Variants in VIL1 observed in about 807,000 individuals in gnomAD.
VIL1 encodes the protein villin 1.
In VIL1, 86 loss-of-function variants were observed where a neutral mutation model predicts 104.0. The observed-to-expected ratio is 0.83, with a 90% CI of 0.69 to 0.99. VIL1 has a LOEUF of 0.99. Among genes scored for constraint, VIL1 ranks in the 50% least tolerant of loss-of-function variants. The pLI is 0.00. For synonymous variants in VIL1, 394 were observed against 412.6 expected, an observed-to-expected ratio of 0.95 and a Z score of 0.55; for missense variants, 944 against 1,054.1, an observed-to-expected ratio of 0.90 and a Z score of 1.45.
chr2:218,433,460 G>A (rs928318027), intron 13 of VIL1, among the ~76,000 whole-genome samples: 18 of 151,768 alleles, frequency 1.2e-4, no homozygotes, highest in African/African-American at 1.9e-4. Context: ...AAAAAATGCC[G>A]GTTGCGGTGG....
At chr2:218,431,109 G>A in intron 10 of VIL1, 1 of 616,332 alleles carries the variant, frequency 1.6e-6, no homozygotes, top group South Asian at 2.1e-5. Flanking sequence ...AGCACTTTGG[G>A]AGGCTGAGGC....
chr2:218,446,760 C>CTTTTTTTTT (rs71064450), intron 19 of VIL1, among the ~76,000 whole-genome samples: 4 of 125,592 alleles, frequency 3.2e-5, no homozygotes, highest in African/African-American at 1.2e-4. Flanking sequence ...GTGACCTTGA[C>CTTTTTTTTT]TTTTTTTTTT....
At chr2:218,430,593 G>A in intron 9 of VIL1, 132 bp from the exon 10 acceptor site, 1 of 1,209,042 alleles carries the variant, frequency 8.3e-7, no homozygotes, top group Non-Finnish European at 1.1e-6. Flanking sequence ...ATTGGGATTG[G>A]GTTTGGGTTC....
intron 19 of VIL1, among the ~76,000 whole-genome samples, chr2:218,442,203 T>C (rs1180459247): frequency 6.6e-6 from 1 of 152,086 alleles, no homozygotes; most frequent in Non-Finnish European, 1.5e-5. Flanking sequence ...ATAAAGAGTA[T>C]GAGAGAAGAG....
chr2:218,434,621 G>A lies in VIL1; in HGVS notation c.1596G>A (p.Glu532=), dbSNP rs1689156214. The change falls in exon 14 of 20, where the codon GAG becomes GAA. Residue 532 remains glutamate (E), a synonymous_variant. Transcript: ENST00000248444. ...GCGCCAACAACACCAAGGCCTTTGA[G>A]GTCCCAGCGCGGGCCAATTTCCTCA... ...GTGANNTKAF[E]VPARANFLNS... 1 of 1,614,144 alleles carries A rather than the reference G, an allele frequency of 6.2e-7. No individual in the cohort carries two copies. Among genetic ancestry groups the A allele is most frequent in the Non-Finnish European group, 8.5e-7 (1 of 1,180,022 alleles).
At chr2:218,430,903 G>GGGAGCCA in intron 10 of VIL1, 25 bp downstream of exon 10, 2 of 1,600,822 alleles carry the variant, frequency 1.2e-6, no homozygotes, top group Non-Finnish European at 1.7e-6. Context: ...GGGGCAGTGA[G>GGGAGCCA]GGAGCCAGGA....
At chr2:218,448,161 G>C (rs1022820196) in intron 19 of VIL1, among the ~76,000 whole-genome samples, 3 of 152,118 alleles carry the variant, frequency 2.0e-5, no homozygotes, top group Non-Finnish European at 4.4e-5. Context: ...TCGGGAGGCT[G>C]AGGTGGGAGG....
Position 218,451,850 on chromosome 2 carries a change from T to C in VIL1, c.*2514T>C, listed in dbSNP as rs1689489835. ...TGAGCCTTTAAGGTTAGGCCCAGAA[T>C]GAACAGACCATAGCAAGTAAACAAA... is the stretch of plus-strand genomic sequence containing the variant. On this transcript the variant is annotated 3_prime_UTR_variant, in exon 20 of 20. Transcript: ENST00000248444. 2.0e-5 allele frequency: 3 copies of C among 152,658 alleles called. No individual in the cohort carries two copies. Among genetic ancestry groups the C allele is most frequent in the African/African-American group, 7.2e-5 (3 of 41,458 alleles). The allele number at this position is 152,658 out of a possible 1,614,324, so 9.5% of individuals were successfully genotyped here. A position where few individuals can be genotyped will look rare whatever the true frequency, so the allele number is the denominator to read the frequency against.
chr2:218,435,354 G>T lies in VIL1; in HGVS notation c.1746G>T (p.Lys582Asn). Residue 582 changes from lysine (K) to asparagine (N), a missense_variant, in exon 15 of 20, where the codon AAG becomes AAT. Coordinates refer to ENST00000248444, the MANE Select transcript of VIL1 (RefSeq NM_007127.3). ...CTGACACCATCTCCCGGACGGAGAA[G>T]CAAGTGGTGGTGGAAGGGCAGGAGC... is the stretch of plus-strand genomic sequence containing the variant. ...MVADTISRTE[K>N]QVVVEGQEPA... 1.2e-6 allele frequency: 2 copies of T among 1,614,120 alleles called. No homozygotes were observed. The highest frequency in any genetic ancestry group is 1.7e-6 in the Non-Finnish European group (2 of 1,180,000).
At chr2:218,431,349 CTCAA>C in intron 10 of VIL1, 1 of 63,706 alleles carries the variant, frequency 1.6e-5, no homozygotes, top group Non-Finnish European at 2.8e-5. Context: ...GAAACTCCAT[CTCAA>C]AAAAAAAAAA....
intron 6 of VIL1, 26 bp downstream of exon 6, chr2:218,428,363 C>G (rs371526191): frequency 4.4e-4 from 703 of 1,596,634 alleles, no homozygotes; most frequent in Non-Finnish European, 5.9e-4. Flanking sequence ...CACCACACCT[C>G]CCTCTCGAAT....
At chr2:218,431,036 A>G (rs1291526986) in intron 10 of VIL1, 158 bp downstream of exon 10, 2 of 984,170 alleles carry the variant, frequency 2.0e-6, no homozygotes, top group Non-Finnish European at 3.0e-6. Flanking sequence ...ACGTGGACAA[A>G]CTCTAGTTGT....
Position 218,435,586 on chromosome 2 carries a change from G to A in VIL1, c.1826+152G>A, listed in dbSNP as rs1443775268. 3 of 1,131,816 alleles carry A rather than the reference G, an allele frequency of 2.7e-6. No individual in the cohort carries two copies. In the African/African-American group the frequency reaches 4.7e-5, roughly 18 times the overall value. 70.1% of individuals were successfully genotyped at this position (1,131,816 alleles called of 1,614,324 possible). On this transcript the variant is annotated intron_variant, in intron 15 of 19. Transcript: ENST00000248444. ...CCCCCAGGGCTACAAGATGAATAAA[G>A]GGCAGCCCATACCCTTGGAGCCTCT...
At chr2:218,426,690 C>T (rs1689008064) in intron 4 of VIL1, among the ~76,000 whole-genome samples, 1 of 152,078 alleles carries the variant, frequency 6.6e-6, no homozygotes, top group African/African-American at 2.4e-5. Context: ...CAAGCTCTGC[C>T]TCCCAGGCTC....
In VIL1 at chr2:218,452,872, G is replaced by A. The variant is rs934744386; in HGVS notation, c.*3536G>A. 6 of 152,128 alleles carry A rather than the reference G, an allele frequency of 3.9e-5. No homozygotes were observed. Among genetic ancestry groups the A allele is most frequent in the African/African-American group, 7.2e-5 (3 of 41,422 alleles). The allele number at this position is 152,128 out of a possible 1,614,324, so 9.4% of individuals were successfully genotyped here. On this transcript the variant is annotated 3_prime_UTR_variant, in exon 20 of 20. Transcript: ENST00000248444. ...TAACTAGCCAAAGAATTTTATCACC[G>A]CTTCACTCATTTATAAGAAAACCAA... is the stretch of plus-strand genomic sequence containing the variant.
chr2:218,424,108 T>G (rs1018396074), intron 2 of VIL1, among the ~76,000 whole-genome samples, 169 bp from the exon 3 acceptor site: 3 of 152,090 alleles, frequency 2.0e-5, no homozygotes, highest in African/African-American at 7.2e-5. Context: ...CCTCCATTGA[T>G]TTTCCTTCTC....
chr2:218,430,119 C>A (rs1296805018), intron 9 of VIL1, among the ~76,000 whole-genome samples, 172 bp downstream of exon 9: 1 of 152,034 alleles, frequency 6.6e-6, no homozygotes, highest in Non-Finnish European at 1.5e-5. Context: ...ATGGGAGGGG[C>A]CTGAGGGGCC....
intron 16 of VIL1, 25 bp downstream of exon 16, chr2:218,436,651 C>G: frequency 6.2e-7 from 1 of 1,606,666 alleles, no homozygotes; most frequent in Non-Finnish European, 8.5e-7. Flanking sequence ...CTGGGGACCC[C>G]TCTTCCCAGC....
At chr2:218,435,469 A>G in intron 15 of VIL1, 35 bp downstream of exon 15, 1 of 1,605,098 alleles carries the variant, frequency 6.2e-7, no homozygotes. Flanking sequence ...CAGGTTACCA[A>G]GGTGGGGGAG....
Sources: gnomAD v4.1 joint callset for allele counts (sites outside exome capture counted in the v4.1 genomes callset) on GRCh38, gnomAD v4.1.1 for gene constraint, MANE v1.5 for transcripts, NCBI Gene and HGNC (gene_info 2026-07-23, HGNC 2026-07-21) for gene names.